The following VSTM4 variants were observed in gnomAD, a reference collection of about 807,000 sequenced individuals.
The protein encoded by VSTM4 is V-set and transmembrane domain-containing protein 4.
Under a neutral mutation model 36.4 loss-of-function variants are expected in VSTM4, and 20 were observed. That is an observed-to-expected ratio of 0.55 (90% confidence interval 0.39 to 0.80). VSTM4 has a LOEUF of 0.80. Ranked by LOEUF, VSTM4 falls within the 30% of genes least tolerant of loss-of-function variation. VSTM4 has a pLI of 0.00. For missense variants in VSTM4, 392 were observed against 404.5 expected (o/e 0.97, Z 0.26); for synonymous variants, 182 against 173.9 (o/e 1.05, Z -0.37).
chr10:49,066,605 C>A (rs1843978338), intron 4 of VSTM4, among the ~76,000 whole-genome samples: 1 of 151,624 alleles, frequency 6.6e-6, no homozygotes, highest in East Asian at 1.9e-4. Flanking sequence ...AAATTTTATC[C>A]CTAAAAAATT....
chr10:49,058,523 C>A (rs966783851), intron 5 of VSTM4, among the ~76,000 whole-genome samples: 11 of 152,178 alleles, frequency 7.2e-5, no homozygotes, highest in Admixed American at 7.2e-4. Context: ...TCAGGCCCTG[C>A]TCTCTGCTCT....
intron 6 of VSTM4, among the ~76,000 whole-genome samples, chr10:49,047,535 T>C (rs1417223071): frequency 2.0e-5 from 3 of 152,204 alleles, no homozygotes; most frequent in African/African-American, 7.2e-5. Context: ...GAACTTGGCA[T>C]TGAAAGTCAG....
At chr10:49,100,801 TA>T (rs1378858543) in intron 2 of VSTM4, among the ~76,000 whole-genome samples, 2 of 152,108 alleles carry the variant, frequency 1.3e-5, no homozygotes, top group Non-Finnish European at 2.9e-5. Flanking sequence ...GCTAAGAATT[TA>T]AAAAATAATG....
intron 7 of VSTM4, among the ~76,000 whole-genome samples, chr10:49,036,937 G>A (rs1434830998): frequency 6.6e-6 from 1 of 152,214 alleles, no homozygotes; most frequent in African/African-American, 2.4e-5. Context: ...TGTGAGAAGA[G>A]GGAGGCTTAC....
At chr10:49,090,181 T>C (rs1344347466) in intron 2 of VSTM4, among the ~76,000 whole-genome samples, 1 of 152,214 alleles carries the variant, frequency 6.6e-6, no homozygotes, top group Non-Finnish European at 1.5e-5. Flanking sequence ...GGAAGAGCAT[T>C]TTTGTAACAG....
At chr10:49,114,490 C>T (rs888932522) in intron 1 of VSTM4, among the ~76,000 whole-genome samples, 8 of 152,154 alleles carry the variant, frequency 5.3e-5, no homozygotes, top group Admixed American at 3.9e-4. Flanking sequence ...AAGGCAAGTC[C>T]GTTCATGGGC....
intron 6 of VSTM4, 131 bp downstream of exon 6, chr10:49,048,347 C>T (rs1843645620): frequency 2.4e-6 from 2 of 821,758 alleles, no homozygotes; most frequent in Non-Finnish European, 3.6e-6. Context: ...GTCCAGACTA[C>T]ATAATCATTA....
At chr10:49,057,587 C>G (rs547689698) in intron 5 of VSTM4, among the ~76,000 whole-genome samples, 36 of 152,334 alleles carry the variant, frequency 2.4e-4, no homozygotes, top group Middle Eastern at 3.4e-3. Flanking sequence ...GAACCACCCC[C>G]ATCTCACAGG....
intron 7 of VSTM4, among the ~76,000 whole-genome samples, chr10:49,046,133 G>A (rs1469079662): frequency 6.6e-6 from 1 of 152,174 alleles, no homozygotes; most frequent in Non-Finnish European, 1.5e-5. Context: ...ATGAGGAACT[G>A]TGAGTCAATT....
intron 5 of VSTM4, among the ~76,000 whole-genome samples, chr10:49,058,947 G>A (rs1366431979): frequency 6.6e-6 from 1 of 152,220 alleles, no homozygotes; most frequent in Non-Finnish European, 1.5e-5. Flanking sequence ...GCCCATGGCA[G>A]CAGCACAGAG....
At chr10:49,105,941 G>A (rs1417059549) in intron 2 of VSTM4, among the ~76,000 whole-genome samples, 7 of 152,022 alleles carry the variant, frequency 4.6e-5, no homozygotes, top group African/African-American at 1.7e-4. Context: ...ATTTGCAGTG[G>A]GTTCTTGGCC....
chr10:49,047,367 G>A (rs956580742), intron 6 of VSTM4, among the ~76,000 whole-genome samples: 2 of 152,094 alleles, frequency 1.3e-5, no homozygotes, highest in Non-Finnish European at 2.9e-5. Flanking sequence ...GGGAGACTCC[G>A]TCCTACCCAC....
chr10:49,077,560 C>T (rs555698442), intron 3 of VSTM4, among the ~76,000 whole-genome samples: 6 of 152,332 alleles, frequency 3.9e-5, no homozygotes, highest in East Asian at 3.9e-4. Context: ...AGTAATTCAA[C>T]GGCGGAAGGA....
At chr10:49,104,453 A>C (rs1329560186) in intron 2 of VSTM4, among the ~76,000 whole-genome samples, 1 of 151,922 alleles carries the variant, frequency 6.6e-6, no homozygotes, top group Non-Finnish European at 1.5e-5. Context: ...CAGGCAGCCA[A>C]GGCTCTGCAC....
At chr10:49,104,609 C>T (rs1205998586) in intron 2 of VSTM4, among the ~76,000 whole-genome samples, 2 of 152,112 alleles carry the variant, frequency 1.3e-5, no homozygotes, top group African/African-American at 4.8e-5. Flanking sequence ...TCATTGCTTC[C>T]TAAGGTTTTG....
At chr10:49,053,907 C>G (rs554740688) in intron 5 of VSTM4, among the ~76,000 whole-genome samples, 1 of 152,316 alleles carries the variant, frequency 6.6e-6, no homozygotes, top group Admixed American at 6.5e-5. Context: ...TCCAGAACAC[C>G]AGGCAAAGCA....
chr10:49,047,186 G>C, intron 6 of VSTM4, 142 bp from the exon 7 acceptor site: 1 of 845,528 alleles, frequency 1.2e-6, no homozygotes, highest in Non-Finnish European at 2.0e-6. Flanking sequence ...CTAGGTGTCA[G>C]CAAGTGCCCC....
chr10:49,058,618 A>G (rs777057340), intron 5 of VSTM4, among the ~76,000 whole-genome samples: 1 of 152,166 alleles, frequency 6.6e-6, no homozygotes, highest in Non-Finnish European at 1.5e-5. Flanking sequence ...ACAGCAATTT[A>G]CAACCTCAGG....
rs889399304 is a variant in VSTM4, at chr10:49,014,318, T to G, written c.*5332A>C. ...AAGCTGTAAACATCTCTAATTATAT[T>G]TAAAACTGTAGAGTGCAGTACATTA... On this transcript the variant is annotated 3_prime_UTR_variant, in exon 8 of 8. Transcript: ENST00000332853. 9 of 152,164 alleles carry G rather than the reference T, an allele frequency of 5.9e-5. No homozygotes were observed. Among genetic ancestry groups the G allele is most frequent in the African/African-American group, 2.2e-4 (9 of 41,410 alleles). 9.4% of individuals were successfully genotyped at this position (152,164 alleles called of 1,614,324 possible).
Sources: allele counts gnomAD v4.1 joint callset (sites outside exome capture counted in the v4.1 genomes callset), GRCh38; gene constraint gnomAD v4.1.1; transcripts MANE v1.5; gene names NCBI Gene and HGNC (gene_info 2026-07-23, HGNC 2026-07-21).